The following SLC35F4 variants were observed in gnomAD, a reference collection of about 807,000 sequenced individuals.
SLC35F4 encodes the protein solute carrier family 35 member F4.
A neutral mutation model predicts 44.2 loss-of-function variants in SLC35F4; 24 were observed. That is an observed-to-expected ratio of 0.54 (90% CI 0.39 to 0.76). SLC35F4 has a LOEUF of 0.76. Among genes scored for constraint, SLC35F4 ranks in the 30% least tolerant of loss-of-function variants. The pLI is 0.00. For missense variants in SLC35F4, 562 were observed against 586.1 expected (o/e 0.96, Z 0.42); for synonymous variants, 238 against 223.6 (o/e 1.06, Z -0.57).
At chr14:57,805,139 T>C (rs768448740) in intron 1 of SLC35F4, among the ~76,000 whole-genome samples, 13 of 152,164 alleles carry the variant, frequency 8.5e-5, no homozygotes, top group Middle Eastern at 3.2e-3. Context: ...GGTAAGGTTG[T>C]GGAGAAAAAG....
intron 1 of SLC35F4, chr14:57,596,664 G>C (rs1396669821): frequency 1.4e-6 from 1 of 689,962 alleles, no homozygotes; most frequent in South Asian, 1.4e-5. Flanking sequence ...ATGGGATTGA[G>C]ATCAAATATT....
At chr14:57,682,189 T>C (rs140307053) in intron 1 of SLC35F4, among the ~76,000 whole-genome samples, 3,230 of 152,250 alleles carry the variant, frequency 0.021, 36 homozygotes, top group Middle Eastern at 0.037. Context: ...TAAAGACACA[T>C]GAACACGTAT....
At chr14:57,799,007 T>A (rs187387035) in intron 1 of SLC35F4, among the ~76,000 whole-genome samples, 3 of 152,292 alleles carry the variant, frequency 2.0e-5, no homozygotes, top group Admixed American at 1.3e-4. Context: ...AAACAAAGTT[T>A]GGGATTGACA....
intron 1 of SLC35F4, among the ~76,000 whole-genome samples, chr14:57,852,991 C>T (rs1191902734): frequency 2.0e-5 from 3 of 152,222 alleles, no homozygotes; most frequent in African/African-American, 7.2e-5. Context: ...TATAGCAAAC[C>T]TCAGACTGCA....
chr14:57,596,432 A>C (rs1182687660), intron 1 of SLC35F4: 1 of 281,810 alleles, frequency 3.5e-6, no homozygotes, highest in Non-Finnish European at 6.9e-6. Flanking sequence ...TCTGAAATTC[A>C]GTGAACTCAC....
chr14:57,637,598 T>C (rs187052102), intron 1 of SLC35F4, among the ~76,000 whole-genome samples: 39 of 152,264 alleles, frequency 2.6e-4, no homozygotes, highest in Non-Finnish European at 2.9e-5. Flanking sequence ...AGAAGCAGGC[T>C]CAATCTTCCA....
At chr14:57,611,221 G>T (rs1245123327) in intron 1 of SLC35F4, among the ~76,000 whole-genome samples, 4 of 150,998 alleles carry the variant, frequency 2.6e-5, no homozygotes, top group Non-Finnish European at 5.9e-5. Flanking sequence ...ATAAAGGAGA[G>T]AAGGAAATAA....
chr14:57,787,191 T>C (rs2066792936), intron 1 of SLC35F4, among the ~76,000 whole-genome samples: 1 of 152,088 alleles, frequency 6.6e-6, no homozygotes, highest in African/African-American at 2.4e-5. Context: ...GTCTTCAAAC[T>C]AACCCAATCC....
At chr14:57,811,431 T>G (rs532024106) in intron 1 of SLC35F4, among the ~76,000 whole-genome samples, 92 of 152,346 alleles carry the variant, frequency 6.0e-4, no homozygotes, top group African/African-American at 2.1e-3. Flanking sequence ...AATCAGTGCC[T>G]GGCATTTAAC....
intron 1 of SLC35F4, among the ~76,000 whole-genome samples, chr14:57,933,369 G>C (rs1889735498): frequency 6.6e-6 from 1 of 152,110 alleles, no homozygotes; most frequent in East Asian, 1.9e-4. Context: ...CTCATCCAAA[G>C]ACTTCACAAA....
chr14:57,579,654 A>T (rs1263269797), intron 4 of SLC35F4: 1 of 152,212 alleles, frequency 6.6e-6, no homozygotes, highest in East Asian at 1.9e-4. Context: ...AAAGACAGTG[A>T]AAAGAAAGAT....
At chr14:57,944,366 TG>T (rs1442154556) in intron 1 of SLC35F4, among the ~76,000 whole-genome samples, 1 of 152,198 alleles carries the variant, frequency 6.6e-6, no homozygotes, top group Non-Finnish European at 1.5e-5. Flanking sequence ...CTTTTTCTCC[TG>T]AATAGTCCTA....
chr14:57,961,210 C>A (rs755597314), intron 1 of SLC35F4, among the ~76,000 whole-genome samples: 1 of 152,124 alleles, frequency 6.6e-6, no homozygotes, highest in Non-Finnish European at 1.5e-5. Context: ...TCGTACCCCA[C>A]AAAAATCTGC....
chr14:57,693,865 C>A (rs912002323), intron 1 of SLC35F4, among the ~76,000 whole-genome samples: 5 of 152,008 alleles, frequency 3.3e-5, no homozygotes, highest in Non-Finnish European at 4.4e-5. Flanking sequence ...TGGTTAGATC[C>A]CCAATCAGAA....
intron 1 of SLC35F4, among the ~76,000 whole-genome samples, chr14:57,889,863 C>T (rs970942196): frequency 1.3e-5 from 2 of 152,112 alleles, no homozygotes; most frequent in African/African-American, 4.8e-5. Context: ...TTCATTCATT[C>T]ATCTGACAAA....
At chr14:57,646,812 G>A (rs919490702) in intron 1 of SLC35F4, among the ~76,000 whole-genome samples, 1 of 152,110 alleles carries the variant, frequency 6.6e-6, no homozygotes, top group Non-Finnish European at 1.5e-5. Context: ...AGAGATTCTG[G>A]TATGTTGTGT....
intron 1 of SLC35F4, among the ~76,000 whole-genome samples, chr14:57,926,733 G>A (rs1429213936): frequency 6.7e-6 from 1 of 149,828 alleles, no homozygotes; most frequent in Non-Finnish European, 1.5e-5. Context: ...GTTGGGGGGG[G>A]GGGGTGGATA....
chr14:57,782,831 G>A (rs2077658450), intron 1 of SLC35F4, among the ~76,000 whole-genome samples: 1 of 152,212 alleles, frequency 6.6e-6, no homozygotes, highest in Admixed American at 6.5e-5. Context: ...AGTGCCACTA[G>A]TGATGCTGGA....
intron 1 of SLC35F4, among the ~76,000 whole-genome samples, chr14:57,782,478 T>C (rs1311758907): frequency 5.3e-5 from 8 of 152,172 alleles, no homozygotes; most frequent in Non-Finnish European, 7.3e-5. Context: ...AAATATGCTA[T>C]GCAAAGTTAA....
Sources: gnomAD v4.1 joint callset for allele counts (sites outside exome capture counted in the v4.1 genomes callset) on GRCh38, gnomAD v4.1.1 for gene constraint, MANE v1.5 for transcripts, NCBI Gene and HGNC (gene_info 2026-07-23, HGNC 2026-07-21) for gene names.